Variants in FAM114A1 observed in about 807,000 individuals in gnomAD.
FAM114A1 encodes the protein family with sequence similarity 114 member A1.
FAM114A1 carries 62 observed loss-of-function variants against 64.3 expected under a neutral mutation model. The observed-to-expected ratio is 0.96, with a 90% CI of 0.79 to 1.19. The LOEUF is 1.19. FAM114A1 is among the 50% of genes most tolerant of loss of function. The probability of loss-of-function intolerance (pLI) is 0.00; values close to 1 mark genes in which losing one functional copy is unlikely to be tolerated. For missense variants in FAM114A1, 645 were observed against 676.3 expected, an observed-to-expected ratio of 0.95 and a Z score of 0.51; for synonymous variants, 254 against 251.1, an observed-to-expected ratio of 1.01 and a Z score of -0.11.
chr4:38,911,686 G>A (rs7656761), intron 7 of FAM114A1, among the ~76,000 whole-genome samples: 3 of 152,022 alleles, frequency 2.0e-5, no homozygotes, highest in Admixed American at 2.0e-4. Context: ...ACAACTGGAA[G>A]GATGAAGCTC....
In FAM114A1 at chr4:38,870,025, T is replaced by C. The variant is rs141155990; in HGVS notation, c.-9+1479T>C. ...GGAAAAAAAAGCATCCAGATCAGTT[T>C]GTCCATCCTAGCTTTACAGAGGAGC... is the stretch of plus-strand genomic sequence containing the variant. On this transcript the variant is annotated intron_variant, in intron 2 of 14. Coordinates refer to ENST00000358869, the MANE Select transcript of FAM114A1 (RefSeq NM_138389.4). Among the ~76,000 whole-genome samples, 119 of 152,328 alleles carry C rather than the reference T, an allele frequency of 7.8e-4. 3 individuals carry two copies. The highest frequency in any genetic ancestry group is 2.8e-3 in the African/African-American group (118 of 41,556).
At chr4:38,913,554 C>T (rs1280376420) in intron 7 of FAM114A1, among the ~76,000 whole-genome samples, 1 of 151,926 alleles carries the variant, frequency 6.6e-6, no homozygotes, top group Non-Finnish European at 1.5e-5. Context: ...CCACCATGCC[C>T]GGCTAATTTT....
chr4:38,932,247 T>G lies in FAM114A1; in HGVS notation c.1336T>G (p.Ser446Ala). The change falls in exon 12 of 15, where the codon TCG (serine) becomes GCG (alanine). Residue 446 changes from serine (S) to alanine (A), a missense_variant. By Grantham distance (99) the Ser-to-Ala change is moderately conservative. Coordinates refer to ENST00000358869, the MANE Select transcript of FAM114A1 (RefSeq NM_138389.4). ...CTATTCATTTCAGGAAGTATACATGTCGTCCATTGAAAGTCTGGCGGAGGT... is the reference window on the plus strand; with the variant it reads ...CTATTCATTTCAGGAAGTATACATGGCGTCCATTGAAAGTCTGGCGGAGGT... ...KTKTIEEVYM[S>A]SIESLAEVTA... is the part of the protein sequence containing the mutation. 4 of 1,604,088 alleles carry G rather than the reference T, an allele frequency of 2.5e-6. No individual in the cohort carries two copies. The highest frequency in any genetic ancestry group is 2.5e-6 in the Non-Finnish European group (3 of 1,177,744).
chr4:38,906,326 G>A (rs551009671), intron 6 of FAM114A1, among the ~76,000 whole-genome samples: 1 of 152,120 alleles, frequency 6.6e-6, no homozygotes, highest in East Asian at 1.9e-4. Flanking sequence ...AGAGACCAGC[G>A]TTCTTCCCCC....
At chr4:38,900,601 G>A (rs1246378729) in intron 4 of FAM114A1, among the ~76,000 whole-genome samples, 1 of 152,180 alleles carries the variant, frequency 6.6e-6, no homozygotes, top group Non-Finnish European at 1.5e-5. Context: ...GTTACAACAT[G>A]GATGAACCTT....
At position 38,935,733 on chromosome 4, in the gene FAM114A1, G is replaced by A; in HGVS notation, c.1479G>A (p.Met493Ile). ...AKVLIKLTTA[M>I]CNEVASLSKK... The stretch of plus-strand genomic sequence containing the variant: ...CTTCTTTCAGATTAACTACTGCAAT[G>A]TGCAATGAAGTGGCCTCTTTATCAA... Residue 493 changes from methionine to isoleucine, a missense_variant, in exon 13 of 15, where the codon ATG (methionine) becomes ATA (isoleucine). Coordinates refer to ENST00000358869, the MANE Select transcript of FAM114A1 (RefSeq NM_138389.4). 1 of 1,605,572 alleles carries A rather than the reference G, an allele frequency of 6.2e-7. No homozygotes were observed. The highest frequency in any genetic ancestry group is 8.5e-7 in the Non-Finnish European group (1 of 1,174,380).
chr4:38,925,067 T>A (rs545678326), intron 9 of FAM114A1, among the ~76,000 whole-genome samples: 1 of 152,360 alleles, frequency 6.6e-6, no homozygotes, highest in Admixed American at 6.5e-5. Context: ...TGTGTTCTAG[T>A]CTTAGTGTAG....
chr4:38,884,310 A>G (rs774600657), intron 3 of FAM114A1, among the ~76,000 whole-genome samples: 11 of 152,238 alleles, frequency 7.2e-5, no homozygotes, highest in Admixed American at 1.3e-4. Context: ...TAAATATGCC[A>G]TGCAACATCC....
chr4:38,879,732 A>G (rs1715018378), intron 3 of FAM114A1, among the ~76,000 whole-genome samples: 1 of 152,024 alleles, frequency 6.6e-6, no homozygotes, highest in Non-Finnish European at 1.5e-5. Context: ...ATAACACAAA[A>G]TTTTGTTTAT....
chr4:38,909,755 A>G (rs1177434064), intron 7 of FAM114A1, among the ~76,000 whole-genome samples: 1 of 152,216 alleles, frequency 6.6e-6, no homozygotes, highest in Non-Finnish European at 1.5e-5. Flanking sequence ...CTAGGAACCC[A>G]TGAAGGTTGC....
chr4:38,925,760 C>T (rs930997633), intron 9 of FAM114A1, among the ~76,000 whole-genome samples: 10 of 152,226 alleles, frequency 6.6e-5, no homozygotes, highest in East Asian at 1.9e-4. Context: ...TTTATTGCTT[C>T]GGTGAAGATC....
chr4:38,919,840 C>A (rs1038596119), intron 8 of FAM114A1, among the ~76,000 whole-genome samples: 1 of 152,162 alleles, frequency 6.6e-6, no homozygotes, highest in Non-Finnish European at 1.5e-5. Context: ...GAATTACTAT[C>A]GTTACTATTT....
In FAM114A1 at chr4:38,923,810, TTAG is replaced by T. The variant is rs574622524; in HGVS notation, c.1069+918_1069+920del. Among the ~76,000 whole-genome samples, 723 of 152,250 alleles carry T rather than the reference TTAG, an allele frequency of 4.7e-3. 7 individuals are homozygous for T. Among genetic ancestry groups the T allele is most frequent in the African/African-American group, 0.017 (705 of 41,528 alleles). On this transcript the variant is annotated intron_variant, in intron 9 of 14. Coordinates refer to ENST00000358869, the MANE Select transcript of FAM114A1 (RefSeq NM_138389.4). Reference sequence around the variant, plus strand: ...AGATGATAACTTGACCTCAAGGAGATTAGAACTTATTTTATGAGAAGCAAGGCT... The same window carrying T: ...AGATGATAACTTGACCTCAAGGAGATAACTTATTTTATGAGAAGCAAGGCT...
intron 2 of FAM114A1, among the ~76,000 whole-genome samples, chr4:38,869,713 G>GTTT (rs1264994656): frequency 8.0e-5 from 12 of 150,432 alleles, no homozygotes; most frequent in African/African-American, 2.7e-4. Flanking sequence ...GACTGGCACT[G>GTTT]TTTTTGTTTT....
rs772948767 is a variant in FAM114A1 at position 38,914,991 on chromosome 4, A to G, written c.863A>G (p.His288Arg). The G allele has an allele frequency of 6.2e-6, 10 of 1,614,200 alleles. No homozygotes were observed. The highest frequency in any genetic ancestry group is 3.3e-5 in the Admixed American group (2 of 60,018). Residue 288 changes from histidine (H) to arginine (R), a missense_variant, in exon 8 of 15, where the codon CAC (histidine) becomes CGC (arginine). Transcript: ENST00000358869. ...AQQLTMERTA[H>R]YGMLFDEYQG... ...CAGCTCACGATGGAGAGAACCGCGCACTACGGGATGCTGTTTGATGAATAT... is the reference window on the plus strand; with the variant it reads ...CAGCTCACGATGGAGAGAACCGCGCGCTACGGGATGCTGTTTGATGAATAT...
rs560213940 is a variant in FAM114A1, at chr4:38,932,278, C to T, written c.1367C>T (p.Ala456Val). 37 of 1,611,178 alleles carry T rather than the reference C, an allele frequency of 2.3e-5. No homozygotes were observed. The highest frequency in any genetic ancestry group is 3.1e-5 in the Non-Finnish European group (36 of 1,179,334). Residue 456 changes from alanine to valine, a missense_variant, in exon 12 of 15, where the codon GCG becomes GTG. Ala to Val is a moderately conservative substitution (Grantham distance 64, BLOSUM62 0). Coordinates refer to ENST00000358869, the MANE Select transcript of FAM114A1 (RefSeq NM_138389.4). Reference protein sequence around the residue: ...SSIESLAEVTARCIEQLHKVA... With the variant: ...SSIESLAEVTVRCIEQLHKVA... ...ATTGAAAGTCTGGCGGAGGTAACAGCGCGCTGTATTGAGCAGCTTCATAAA... is the reference window on the plus strand; with the variant it reads ...ATTGAAAGTCTGGCGGAGGTAACAGTGCGCTGTATTGAGCAGCTTCATAAA...
intron 4 of FAM114A1, among the ~76,000 whole-genome samples, chr4:38,893,566 C>G (rs768682383): frequency 6.6e-6 from 1 of 152,198 alleles, no homozygotes; most frequent in Non-Finnish European, 1.5e-5. Flanking sequence ...TCTGTGCACA[C>G]TTAAAGGTGC....
Position 38,905,873 on chromosome 4 carries a change from G to C in FAM114A1, c.657+12G>C. On this transcript the variant is annotated intron_variant, in intron 6 of 14. Transcript: ENST00000358869. The stretch of plus-strand genomic sequence containing the variant: ...TGGTTCAAAACACAGTGAGTCGCTG[G>C]CTGCTTCCTCTCTTTCCCCTGTATT... 6.2e-7 allele frequency: 1 copy of C among 1,604,776 alleles called. No individual in the cohort carries two copies. The highest frequency in any genetic ancestry group is 1.1e-5 in the South Asian group (1 of 90,170).
chr4:38,898,324 C>T (rs919530316), intron 4 of FAM114A1, among the ~76,000 whole-genome samples: 1 of 152,110 alleles, frequency 6.6e-6, no homozygotes, highest in Non-Finnish European at 1.5e-5. Context: ...TCATCCTCTC[C>T]CAAGGTACAT....
Sources: gnomAD v4.1 joint callset for allele counts (sites outside exome capture counted in the v4.1 genomes callset) on GRCh38, gnomAD v4.1.1 for gene constraint, MANE v1.5 for transcripts, NCBI Gene and HGNC (gene_info 2026-07-23, HGNC 2026-07-21) for gene names.